The following EGFR variants were observed in gnomAD, a reference collection of about 807,000 sequenced individuals.
EGFR encodes epidermal growth factor receptor.
A neutral mutation model predicts 143.0 loss-of-function variants in EGFR; 58 were observed. That is an observed-to-expected ratio of 0.41 (90% CI 0.33 to 0.50). EGFR has a LOEUF of 0.50. Ranked by LOEUF, EGFR falls within the 20% of genes least tolerant of loss-of-function variation. The pLI, the probability that EGFR is intolerant of heterozygous loss-of-function variation, is 0.39. For missense variants in EGFR, 1,307 were observed against 1,579.0 expected, an observed-to-expected ratio of 0.83 and a Z score of 2.92; for synonymous variants, 613 against 594.4, an observed-to-expected ratio of 1.03 and a Z score of -0.45.
chr7:55,107,458 A>G (rs1400916637), intron 1 of EGFR, among the ~76,000 whole-genome samples: 2 of 152,202 alleles, frequency 1.3e-5, no homozygotes, highest in Admixed American at 1.3e-4. Flanking sequence ...TAAAAAATCT[A>G]TTATTTCAGA....
chr7:55,066,377 A>T (rs988802980), intron 1 of EGFR, among the ~76,000 whole-genome samples: 1 of 152,124 alleles, frequency 6.6e-6, no homozygotes, highest in African/African-American at 2.4e-5. Context: ...TTTGGTGTGA[A>T]ATGTTCCCCG....
At chr7:55,170,218 A>T (rs1786275364) in intron 15 of EGFR, 1 of 1,609,532 alleles carries the variant, frequency 6.2e-7, no homozygotes, top group Non-Finnish European at 8.5e-7. Flanking sequence ...GAGAGCAGAG[A>T]TAGAAACTGT....
intron 1 of EGFR, among the ~76,000 whole-genome samples, chr7:55,033,448 G>GCAGGGGACAGCAGC (rs1176598454): frequency 6.6e-6 from 1 of 152,164 alleles, no homozygotes; most frequent in Non-Finnish European, 1.5e-5. Context: ...AGGGGATGCT[G>GCAGGGGACAGCAGC]GCCATGCTGA....
At chr7:55,125,147 G>A (rs1190554950) in intron 1 of EGFR, among the ~76,000 whole-genome samples, 2 of 152,198 alleles carry the variant, frequency 1.3e-5, no homozygotes, top group African/African-American at 4.8e-5. Flanking sequence ...AGGCTCTGCT[G>A]TCGCCTCCTA....
At chr7:55,089,204 C>A (rs1257877079) in intron 1 of EGFR, among the ~76,000 whole-genome samples, 1 of 152,016 alleles carries the variant, frequency 6.6e-6, no homozygotes, top group Non-Finnish European at 1.5e-5. Flanking sequence ...AACTGAAGTA[C>A]GTGTAAGTCA....
intron 13 of EGFR, 65 bp from the exon 14 acceptor site, chr7:55,163,668 G>C (rs1219078094): frequency 2.9e-6 from 4 of 1,384,304 alleles, no homozygotes; most frequent in Non-Finnish European, 4.1e-6. Flanking sequence ...TTTTGAAGAG[G>C]TGATTTGTGT....
At position 55,019,204 on chromosome 7, in the gene EGFR, A is replaced by T. The variant is rs1393657445; in HGVS notation, c.-74A>T. On this transcript the variant is annotated 5_prime_UTR_variant, in exon 1 of 28. Transcript: ENST00000275493. ...TCCCCGCCTCGCCGCCAACGCCACA[A>T]CCACCGCGCACGGCCCCCTGACTCC... 1.6e-6 allele frequency: 2 copies of T among 1,252,666 alleles called. No homozygotes were observed. Among genetic ancestry groups the T allele is most frequent in the Non-Finnish European group, 2.2e-6 (2 of 930,140 alleles). The allele number at this position is 1,252,666 out of a possible 1,614,324, so 77.6% of individuals were successfully genotyped here.
intron 1 of EGFR, among the ~76,000 whole-genome samples, chr7:55,118,286 TGC>T (rs1211752563): frequency 6.6e-6 from 1 of 152,208 alleles, no homozygotes; most frequent in African/African-American, 2.4e-5. Context: ...ATGTTGGAGA[TGC>T]AGATGGTCAG....
Position 55,201,314 on chromosome 7 carries a change from A to T in EGFR, c.3073A>T (p.Ser1025Cys), listed in dbSNP as rs1275431248. ...CCTCATCCCACAGCAGGGCTTCTTC[A>T]GCAGCCCCTCCACGTCACGGACTCC... Reference protein sequence around the residue: ...EYLIPQQGFFSSPSTSRTPLL... With the variant: ...EYLIPQQGFFCSPSTSRTPLL... Residue 1025 changes from serine to cysteine, a missense_variant, in exon 25 of 28, where the codon AGC (serine) becomes TGC (cysteine). By Grantham distance (112) the Ser-to-Cys change is moderately radical (BLOSUM62 -1). This residue lies in a region of EGFR where 313 missense variants were observed against 312.3 expected (regional missense o/e 1.00). Coordinates refer to ENST00000275493, the MANE Select transcript of EGFR (RefSeq NM_005228.5). 1 of 1,614,064 alleles carries T rather than the reference A, an allele frequency of 6.2e-7. No homozygotes were observed. Among genetic ancestry groups the T allele is most frequent in the Non-Finnish European group, 8.5e-7 (1 of 1,180,012 alleles).
intron 20 of EGFR, among the ~76,000 whole-genome samples, chr7:55,187,932 CCTT>C (rs1787215019): frequency 6.6e-6 from 1 of 152,148 alleles, no homozygotes; most frequent in African/African-American, 2.4e-5. Context: ...GGGCCCCTCA[CCTT>C]CTCCCTAGCT....
intron 1 of EGFR, among the ~76,000 whole-genome samples, chr7:55,043,037 A>G (rs919899652): frequency 5.9e-5 from 9 of 152,088 alleles, no homozygotes; most frequent in African/African-American, 9.7e-5. Flanking sequence ...GATGGTACCT[A>G]TCCTTCAAAC....
chr7:55,151,491 C>T, intron 5 of EGFR, 129 bp downstream of exon 5: 1 of 974,938 alleles, frequency 1.0e-6, no homozygotes, highest in South Asian at 1.4e-5. Context: ...AGATGTGAAC[C>T]AGTAGGTGAA....
intron 22 of EGFR, 43 bp downstream of exon 22, chr7:55,192,884 A>G (rs1334666678): frequency 6.4e-7 from 1 of 1,574,652 alleles, no homozygotes; most frequent in South Asian, 1.1e-5. Flanking sequence ...ACTGAGGCCA[A>G]GCTGGCTTTT....
intron 1 of EGFR, among the ~76,000 whole-genome samples, chr7:55,034,515 G>A (rs538619902): frequency 1.2e-4 from 18 of 152,262 alleles, no homozygotes; most frequent in African/African-American, 4.3e-4. Context: ...GATGACTGGT[G>A]TTGAGCCAGT....
intron 1 of EGFR, among the ~76,000 whole-genome samples, chr7:55,140,621 T>G (rs1413233350): frequency 6.6e-6 from 1 of 152,202 alleles, no homozygotes; most frequent in Admixed American, 6.5e-5. Context: ...CAACTTGAGG[T>G]TGCATTCAGA....
intron 1 of EGFR, among the ~76,000 whole-genome samples, chr7:55,109,124 C>G (rs1214843831): frequency 2.6e-5 from 4 of 152,118 alleles, no homozygotes; most frequent in Non-Finnish European, 5.9e-5. Context: ...GAATTTATTG[C>G]CTCCTTAGGC....
intron 1 of EGFR, among the ~76,000 whole-genome samples, chr7:55,034,976 C>A (rs1017000149): frequency 2.0e-5 from 3 of 152,168 alleles, no homozygotes; most frequent in Admixed American, 6.5e-5. Context: ...CCTGTGTTTA[C>A]CTTCCATGAG....
At chr7:55,172,007 G>A (rs1786373888) in intron 16 of EGFR, among the ~76,000 whole-genome samples, 1 of 152,060 alleles carries the variant, frequency 6.6e-6, no homozygotes, top group Non-Finnish European at 1.5e-5. Flanking sequence ...TCACATGATC[G>A]AGGAAGAAGG....
At chr7:55,041,670 C>T (rs994977264) in intron 1 of EGFR, among the ~76,000 whole-genome samples, 7 of 152,194 alleles carry the variant, frequency 4.6e-5, no homozygotes, top group Non-Finnish European at 1.0e-4. Flanking sequence ...TTATAATGAT[C>T]TTAATTCATA....
Sources: allele counts gnomAD v4.1 joint callset (sites outside exome capture counted in the v4.1 genomes callset), GRCh38; gene constraint gnomAD v4.1.1; regional missense constraint gnomAD v4.1.1; transcripts MANE v1.5; gene names NCBI Gene and HGNC (gene_info 2026-07-23, HGNC 2026-07-21).